EHBP1: variants seen among roughly 807,000 people sequenced by gnomAD.
EHBP1 encodes the protein EH domain binding protein 1.
EHBP1 carries 55 observed loss-of-function variants against 144.0 expected under a neutral mutation model. The observed-to-expected ratio is 0.38, with a 90% CI of 0.31 to 0.48. EHBP1 has a LOEUF of 0.48. EHBP1 is among the 20% of genes least tolerant of loss of function. The pLI is 0.98. For missense variants in EHBP1, 1,200 were observed against 1,364.2 expected, an observed-to-expected ratio of 0.88 and a Z score of 1.90; for synonymous variants, 469 against 472.7, an observed-to-expected ratio of 0.99 and a Z score of 0.10.
chr2:62,712,578 G>C (rs1466046065), intron 2 of EHBP1, among the ~76,000 whole-genome samples: 1 of 152,192 alleles, frequency 6.6e-6, no homozygotes, highest in African/African-American at 2.4e-5. Flanking sequence ...ATTTTGTCAG[G>C]AATGTATAAC....
intron 9 of EHBP1, among the ~76,000 whole-genome samples, chr2:62,872,507 T>C (rs1027037905): frequency 9.9e-5 from 15 of 152,146 alleles, no homozygotes; most frequent in East Asian, 7.7e-4. Context: ...TAACTTGTCA[T>C]TGTAGAGAAA....
intron 2 of EHBP1, among the ~76,000 whole-genome samples, chr2:62,730,489 T>C (rs934187097): frequency 1.3e-5 from 2 of 152,212 alleles, no homozygotes; most frequent in Admixed American, 6.5e-5. Context: ...GCTTATTTCT[T>C]TTCCATGAGT....
chr2:62,926,724 T>G (rs2055543962), intron 10 of EHBP1, among the ~76,000 whole-genome samples: 1 of 151,846 alleles, frequency 6.6e-6, no homozygotes, highest in South Asian at 2.1e-4. Flanking sequence ...AAAAGGAAAC[T>G]CTTAGATACT....
intron 14 of EHBP1, 108 bp downstream of exon 14, chr2:62,955,768 A>G (rs1490353670): frequency 8.3e-7 from 1 of 1,203,728 alleles, no homozygotes; most frequent in Non-Finnish European, 1.1e-6. Flanking sequence ...CGGACTGTAC[A>G]TTGTGAATAC....
chr2:62,709,784 C>T (rs769994933), intron 2 of EHBP1, among the ~76,000 whole-genome samples: 2 of 151,908 alleles, frequency 1.3e-5, no homozygotes, highest in South Asian at 2.1e-4. Context: ...CTTGTATTGT[C>T]TAGTGGTTCT....
chr2:62,982,706 G>A (rs866294675), intron 15 of EHBP1, among the ~76,000 whole-genome samples: 1 of 152,124 alleles, frequency 6.6e-6, no homozygotes, highest in Non-Finnish European at 1.5e-5. Flanking sequence ...GGGTAGTGAA[G>A]AGCTGACATA....
At chr2:63,021,951 A>G (rs1317410935) in intron 19 of EHBP1, among the ~76,000 whole-genome samples, 1 of 152,100 alleles carries the variant, frequency 6.6e-6, no homozygotes, top group East Asian at 1.9e-4. Context: ...TATTTTTAGT[A>G]GAGACGGGGT....
intron 10 of EHBP1, among the ~76,000 whole-genome samples, chr2:62,937,814 G>T (rs1392164809): frequency 6.6e-6 from 1 of 152,124 alleles, no homozygotes; most frequent in Non-Finnish European, 1.5e-5. Context: ...CATTGAAAAA[G>T]ATTTGGGATT....
intron 5 of EHBP1, chr2:62,772,091 A>G (rs1487795783): frequency 1.3e-5 from 2 of 149,934 alleles, no homozygotes; most frequent in Non-Finnish European, 3.0e-5. Flanking sequence ...CTGGGTGACA[A>G]GAGTGAAACT....
intron 2 of EHBP1, among the ~76,000 whole-genome samples, chr2:62,730,976 T>G (rs543811524): frequency 2.5e-4 from 38 of 149,358 alleles, no homozygotes; most frequent in Admixed American, 6.7e-4. Context: ...GGGAGTTTGA[T>G]TGATACTGCA....
chr2:62,732,190 A>AT (rs1269531752), intron 2 of EHBP1, among the ~76,000 whole-genome samples: 1 of 152,110 alleles, frequency 6.6e-6, no homozygotes, highest in Admixed American at 6.5e-5. Context: ...TAGTGTGACT[A>AT]TGATATGCCT....
chr2:62,807,003 A>G (rs536576863), intron 5 of EHBP1, among the ~76,000 whole-genome samples: 3 of 152,298 alleles, frequency 2.0e-5, no homozygotes, highest in South Asian at 4.1e-4. Flanking sequence ...ACAGATAGGA[A>G]AAGTTGGCAG....
chr2:63,022,889 A>G (rs2060815538), intron 19 of EHBP1, among the ~76,000 whole-genome samples: 1 of 152,128 alleles, frequency 6.6e-6, no homozygotes, highest in African/African-American at 2.4e-5. Context: ...TAAAAACATT[A>G]GAGGCCGGGC....
At chr2:62,970,816 G>C (rs1024923216) in intron 14 of EHBP1, among the ~76,000 whole-genome samples, 6 of 152,088 alleles carry the variant, frequency 3.9e-5, no homozygotes, top group African/African-American at 1.4e-4. Flanking sequence ...CCCCTCAAAA[G>C]CAAAAGTCTG....
intron 5 of EHBP1, among the ~76,000 whole-genome samples, chr2:62,785,417 AG>A (rs1472416092): frequency 6.6e-6 from 1 of 152,198 alleles, no homozygotes; most frequent in Non-Finnish European, 1.5e-5. Context: ...GAGGCGAAAA[AG>A]ATTCAGAAGT....
intron 3 of EHBP1, among the ~76,000 whole-genome samples, chr2:62,755,252 A>G (rs991941081): frequency 6.6e-6 from 1 of 152,260 alleles, no homozygotes; most frequent in Admixed American, 6.5e-5. Flanking sequence ...CATGTAAAAT[A>G]GTACAGTAGT....
rs368948717 is a variant in EHBP1, at chr2:62,830,153, GACAC to G, written c.495-826_495-823del. On this transcript the variant is annotated intron_variant, in intron 6 of 22. Transcript: ENST00000431489. ...TGGTGCATATATATATATATATATA[GACAC>G]ACACACACACACACACACACACACA... Among the ~76,000 whole-genome samples, 973 of 132,120 alleles carry G rather than the reference GACAC, an allele frequency of 7.4e-3. 7 individuals are homozygous for G. Among genetic ancestry groups the G allele is most frequent in the Non-Finnish European group, 8.6e-3 (549 of 64,008 alleles). 86.7% of individuals were successfully genotyped at this position (132,120 alleles called of 152,430 possible).
At chr2:62,680,026 A>G (rs767844215) in intron 1 of EHBP1, among the ~76,000 whole-genome samples, 1 of 152,208 alleles carries the variant, frequency 6.6e-6, no homozygotes, top group Non-Finnish European at 1.5e-5. Context: ...TTTTCTCCCA[A>G]ATGTGAGGGA....
intron 2 of EHBP1, among the ~76,000 whole-genome samples, chr2:62,743,004 G>A (rs2038857063): frequency 1.3e-5 from 2 of 151,982 alleles, no homozygotes; most frequent in African/African-American, 2.4e-5. Flanking sequence ...AGAAAATACA[G>A]AAAAGCATAA....
Sources: allele counts gnomAD v4.1 joint callset (sites outside exome capture counted in the v4.1 genomes callset), GRCh38; gene constraint gnomAD v4.1.1; transcripts MANE v1.5; gene names NCBI Gene and HGNC (gene_info 2026-07-23, HGNC 2026-07-21).